Variants in JMJD1C observed in about 807,000 individuals in gnomAD.
The protein encoded by JMJD1C is jumonji domain-containing protein 1C.
A neutral mutation model predicts 245.3 loss-of-function variants in JMJD1C; 31 were observed. The ratio of observed to expected loss-of-function variants is 0.13; its 90% CI spans 0.09 to 0.17. The LOEUF is 0.17. JMJD1C is among the 10% of genes least tolerant of loss of function. The pLI is 1.00. For missense variants in JMJD1C, 2,691 were observed against 3,000.2 expected, an observed-to-expected ratio of 0.90 and a Z score of 2.41; for synonymous variants, 1,057 against 1,017.4, an observed-to-expected ratio of 1.04 and a Z score of -0.74.
intron 1 of JMJD1C, among the ~76,000 whole-genome samples, chr10:63,499,121 T>C (rs1954457044): frequency 6.6e-6 from 1 of 152,224 alleles, no homozygotes; most frequent in Admixed American, 6.5e-5. Flanking sequence ...TATTCATCAA[T>C]GGGACATCTA....
intron 1 of JMJD1C, among the ~76,000 whole-genome samples, chr10:63,430,092 T>TG (rs1168816601): frequency 6.6e-6 from 1 of 152,166 alleles, no homozygotes; most frequent in Non-Finnish European, 1.5e-5. Context: ...GACAACTCAA[T>TG]GGGGGAAAGA....
intron 2 of JMJD1C, among the ~76,000 whole-genome samples, chr10:63,292,748 CT>C: frequency 6.6e-6 from 1 of 152,096 alleles, no homozygotes; most frequent in East Asian, 1.9e-4. Context: ...TAATGTCTTC[CT>C]TAAAACCACT....
At chr10:63,515,444 G>A (rs1011324425) in intron 1 of JMJD1C, among the ~76,000 whole-genome samples, 5 of 152,192 alleles carry the variant, frequency 3.3e-5, no homozygotes, top group African/African-American at 9.7e-5. Flanking sequence ...CAAAACTACG[G>A]GGGCTTCCTT....
At chr10:63,481,043 A>T (rs1953815766) in intron 1 of JMJD1C, among the ~76,000 whole-genome samples, 1 of 152,224 alleles carries the variant, frequency 6.6e-6, no homozygotes, top group Admixed American at 6.5e-5. Context: ...TCATGTGTTG[A>T]CATTATAAAA....
intron 10 of JMJD1C, chr10:63,202,348 CTA>C (rs1275550604): frequency 2.0e-6 from 2 of 984,632 alleles, no homozygotes; most frequent in Non-Finnish European, 2.4e-6. Context: ...ATTAATGTAT[CTA>C]TATGTCAGAT....
chr10:63,521,574 T>C (rs374920127), intron 1 of JMJD1C: 20 of 1,352,136 alleles, frequency 1.5e-5, no homozygotes, highest in Non-Finnish European at 1.9e-5. Context: ...TCCAGAGCCG[T>C]GGTGTAAGTG....
At chr10:63,199,762 C>A (rs1263030674) in intron 11 of JMJD1C, among the ~76,000 whole-genome samples, 1 of 152,120 alleles carries the variant, frequency 6.6e-6, no homozygotes, top group Non-Finnish European at 1.5e-5. Context: ...TTCTTATCAA[C>A]ACGTATTTTT....
At chr10:63,261,402 G>A (rs199989707) in intron 3 of JMJD1C, among the ~76,000 whole-genome samples, 2 of 152,012 alleles carry the variant, frequency 1.3e-5, no homozygotes, top group African/African-American at 4.8e-5. Context: ...TCAACATGGC[G>A]AAAACCCATC....
chr10:63,381,682 A>G, intron 1 of JMJD1C, among the ~76,000 whole-genome samples: 1 of 152,232 alleles, frequency 6.6e-6, no homozygotes. Context: ...TTGAATTAGA[A>G]AGGACATTAA....
intron 3 of JMJD1C, among the ~76,000 whole-genome samples, chr10:63,239,245 T>C (rs1018654250): frequency 3.9e-5 from 6 of 152,062 alleles, no homozygotes; most frequent in African/African-American, 1.2e-4. Context: ...CTGGTATGGA[T>C]TGAATTAAGG....
rs1236295626 is a variant in JMJD1C, at chr10:63,176,278, G to T, written c.7401+19C>A. 1.3e-6 allele frequency: 2 copies of T among 1,532,868 alleles called. No homozygotes were observed. Among genetic ancestry groups the T allele is most frequent in the Non-Finnish European group, 8.8e-7 (1 of 1,133,252 alleles). 95.0% of individuals were successfully genotyped at this position (1,532,868 alleles called of 1,614,324 possible). On this transcript the variant is annotated intron_variant, in intron 24 of 25. Coordinates refer to ENST00000399262, the MANE Select transcript of JMJD1C (RefSeq NM_032776.3). ...CTTTCAGTCAGTAAAAAATATGTTA[G>T]AAATAAGTTTGTATATACCTGATGA...
At chr10:63,391,451 A>C (rs1241476275) in intron 1 of JMJD1C, among the ~76,000 whole-genome samples, 1 of 152,090 alleles carries the variant, frequency 6.6e-6, no homozygotes, top group Non-Finnish European at 1.5e-5. Context: ...CAGAGCTTGC[A>C]GTGAGCCATG....
chr10:63,172,794 A>G (rs1316224651), intron 24 of JMJD1C, among the ~76,000 whole-genome samples: 1 of 150,878 alleles, frequency 6.6e-6, no homozygotes, highest in East Asian at 1.9e-4. Context: ...TCCAAGCAAA[A>G]AAGATTAAGA....
chr10:63,382,944 A>G (rs1189011221), intron 1 of JMJD1C: 2 of 445,278 alleles, frequency 4.5e-6, no homozygotes, highest in South Asian at 1.6e-5. Flanking sequence ...TATAGCTTAC[A>G]CTGTATTAGT....
intron 2 of JMJD1C, among the ~76,000 whole-genome samples, chr10:63,287,169 T>G (rs574140579): frequency 6.6e-6 from 1 of 152,358 alleles, no homozygotes; most frequent in East Asian, 1.9e-4. Context: ...GTATAATATG[T>G]GGTAAAACCA....
intron 1 of JMJD1C, among the ~76,000 whole-genome samples, chr10:63,502,365 A>AC (rs1954585889): frequency 6.6e-6 from 1 of 152,016 alleles, no homozygotes; most frequent in African/African-American, 2.4e-5. Flanking sequence ...GCGGCCAGGC[A>AC]CCGTGGCTCA....
chr10:63,222,186 T>A, intron 3 of JMJD1C: 1 of 753,174 alleles, frequency 1.3e-6, no homozygotes, highest in South Asian at 1.3e-5. Context: ...GATATTGTTA[T>A]CAACTTGACT....
intron 4 of JMJD1C, chr10:63,217,631 A>G (rs1848145827): frequency 5.6e-6 from 1 of 179,598 alleles, no homozygotes; most frequent in Admixed American, 6.2e-5. Flanking sequence ...ATAGTAGTGT[A>G]GAATGCAGTA....
intron 2 of JMJD1C, among the ~76,000 whole-genome samples, chr10:63,305,729 T>C (rs1269018182): frequency 1.3e-5 from 2 of 150,846 alleles, no homozygotes; most frequent in East Asian, 3.9e-4. Flanking sequence ...GTATTCAAAC[T>C]GTATTGTAAC....
Sources: gnomAD v4.1 joint callset for allele counts (sites outside exome capture counted in the v4.1 genomes callset) on GRCh38, gnomAD v4.1.1 for gene constraint, MANE v1.5 for transcripts, NCBI Gene and HGNC (gene_info 2026-07-23, HGNC 2026-07-21) for gene names.